Variants in ENTREP2 observed in about 807,000 individuals in gnomAD.
ENTREP2 encodes protein ENTREP2.
chr15:29,446,501 C>CA, the ENTREP2 span, among the ~76,000 whole-genome samples: 2 of 152,168 alleles, frequency 1.3e-5, no homozygotes, highest in Admixed American at 1.3e-4. Flanking sequence ...ACAATACGCA[C>CA]AGAGCAAAGC....
chr15:29,260,072 G>A, the ENTREP2 span, among the ~76,000 whole-genome samples: 1 of 152,134 alleles, frequency 6.6e-6, no homozygotes, highest in African/African-American at 2.4e-5. Flanking sequence ...AACAAGGAAG[G>A]AGACTGAATC....
the ENTREP2 span, among the ~76,000 whole-genome samples, chr15:29,433,569 A>G: frequency 1.8e-4 from 27 of 152,300 alleles, no homozygotes; most frequent in Non-Finnish European, 2.5e-4. Context: ...AAGATGAAAT[A>G]ATTCCCAGAA....
the ENTREP2 span, among the ~76,000 whole-genome samples, chr15:29,611,613 A>G: frequency 2.0e-5 from 3 of 151,680 alleles, no homozygotes; most frequent in Non-Finnish European, 4.4e-5. Context: ...CCACACCACC[A>G]ATATCCCAGC....
the ENTREP2 span, among the ~76,000 whole-genome samples, chr15:29,201,808 A>G: frequency 6.6e-6 from 1 of 152,180 alleles, no homozygotes; most frequent in Admixed American, 6.5e-5. Flanking sequence ...ATCAATTTGG[A>G]AATGTTCCTT....
the ENTREP2 span, among the ~76,000 whole-genome samples, chr15:29,149,799 C>T: frequency 2.6e-5 from 4 of 152,198 alleles, no homozygotes; most frequent in Non-Finnish European, 5.9e-5. Flanking sequence ...GCAGCAGAGC[C>T]GGGGGTCTCA....
chr15:29,173,490 T>C, the ENTREP2 span, among the ~76,000 whole-genome samples: 1 of 152,196 alleles, frequency 6.6e-6, no homozygotes, highest in Admixed American at 6.5e-5. Flanking sequence ...ATCTCATCTG[T>C]GAGGGGATGA....
the ENTREP2 span, among the ~76,000 whole-genome samples, chr15:29,669,606 C>T: frequency 5.3e-4 from 80 of 152,256 alleles, no homozygotes; most frequent in Admixed American, 8.5e-4. Flanking sequence ...CCATCACATC[C>T]GAGGCTTATC....
chr15:29,132,425 C>T, the ENTREP2 span, among the ~76,000 whole-genome samples: 1 of 152,208 alleles, frequency 6.6e-6, no homozygotes, highest in African/African-American at 2.4e-5. Context: ...CCTTCATCAC[C>T]AGATGCTGCC....
chr15:29,472,488 G>A, the ENTREP2 span, among the ~76,000 whole-genome samples: 6 of 131,550 alleles, frequency 4.6e-5, no homozygotes, highest in African/African-American at 1.4e-4. Flanking sequence ...AATTTGAGAC[G>A]GAGTCTCGCT....
At chr15:29,556,246 G>A in the ENTREP2 span, among the ~76,000 whole-genome samples, 1 of 152,148 alleles carries the variant, frequency 6.6e-6, no homozygotes, top group African/African-American at 2.4e-5. Context: ...TGTAGAGAGA[G>A]ACCCTGTTGG....
the ENTREP2 span, among the ~76,000 whole-genome samples, chr15:29,633,176 G>C: frequency 6.6e-6 from 1 of 152,164 alleles, no homozygotes; most frequent in African/African-American, 2.4e-5. Context: ...TTCTGTGAAA[G>C]TGCAGAGACT....
chr15:29,657,191 G>C, the ENTREP2 span, among the ~76,000 whole-genome samples: 1 of 150,766 alleles, frequency 6.6e-6, no homozygotes, highest in Non-Finnish European at 1.5e-5. Flanking sequence ...GGGACTACAC[G>C]CGCCCACCAC....
the ENTREP2 span, among the ~76,000 whole-genome samples, chr15:29,346,026 A>G: frequency 6.6e-6 from 1 of 152,160 alleles, no homozygotes; most frequent in African/African-American, 2.4e-5. Flanking sequence ...AGAGAAGCTA[A>G]CTTTCTGAGG....
the ENTREP2 span, among the ~76,000 whole-genome samples, chr15:29,210,860 TA>T: frequency 6.6e-6 from 1 of 152,198 alleles, no homozygotes; most frequent in African/African-American, 2.4e-5. Context: ...AGGTACCTTT[TA>T]AGATAGGCTT....
At chr15:29,380,311 G>A in the ENTREP2 span, among the ~76,000 whole-genome samples, 9 of 152,104 alleles carry the variant, frequency 5.9e-5, no homozygotes, top group East Asian at 1.9e-4. Flanking sequence ...ATTTCAGGGC[G>A]TCATGGTTAC....
chr15:29,594,405 G>C, the ENTREP2 span, among the ~76,000 whole-genome samples: 2 of 152,108 alleles, frequency 1.3e-5, no homozygotes, highest in African/African-American at 2.4e-5. Context: ...TCTCACCTGG[G>C]AGCAGCCTCC....
At chr15:29,494,568 C>T in the ENTREP2 span, among the ~76,000 whole-genome samples, 1 of 152,130 alleles carries the variant, frequency 6.6e-6, no homozygotes, top group Non-Finnish European at 1.5e-5. Flanking sequence ...TTCAAGTATA[C>T]AAAACATTAT....
chr15:29,324,477 G>C, the ENTREP2 span, among the ~76,000 whole-genome samples: 1 of 152,000 alleles, frequency 6.6e-6, no homozygotes, highest in Non-Finnish European at 1.5e-5. Context: ...AACTATCAGA[G>C]TAGATAAAAT....
At chr15:29,145,656 A>AC in the ENTREP2 span, among the ~76,000 whole-genome samples, 1 of 151,442 alleles carries the variant, frequency 6.6e-6, no homozygotes, top group East Asian at 1.9e-4. Context: ...CAACCAACAA[A>AC]CTAGGAATAG....
Sources: gnomAD v4.1 joint callset for allele counts (sites outside exome capture counted in the v4.1 genomes callset) on GRCh38, gnomAD v4.1.1 for gene constraint, MANE v1.5 for transcripts, NCBI Gene and HGNC (gene_info 2026-07-23, HGNC 2026-07-21) for gene names.